Variants in RNF217 observed in about 807,000 individuals in gnomAD.
RNF217 encodes ring finger protein 217.
Under a neutral mutation model 57.8 loss-of-function variants are expected in RNF217, and 31 were observed. That is an observed-to-expected ratio of 0.54 (90% CI 0.40 to 0.72). RNF217 has a LOEUF of 0.72. Among genes scored for constraint, RNF217 ranks in the 30% least tolerant of loss-of-function variants. The pLI, the probability that RNF217 is intolerant of heterozygous loss-of-function variation, is 0.00. For missense variants in RNF217, 696 were observed against 708.3 expected, an observed-to-expected ratio of 0.98 and a Z score of 0.20; for synonymous variants, 313 against 294.0, an observed-to-expected ratio of 1.06 and a Z score of -0.66.
At chr6:125,038,591 A>C (rs1216545719) in intron 1 of RNF217, among the ~76,000 whole-genome samples, 1 of 152,134 alleles carries the variant, frequency 6.6e-6, no homozygotes, top group East Asian at 1.9e-4. Context: ...CTTCACATAT[A>C]CTTTAATTAT....
At position 124,963,366 on chromosome 6, in the gene RNF217, C is replaced by T; in HGVS notation, c.822C>T (p.Pro274=). 1 of 1,523,928 alleles carries T rather than the reference C, an allele frequency of 6.6e-7. No homozygotes were observed. The highest frequency in any genetic ancestry group is 2.0e-5 in the Admixed American group (1 of 48,986). 94.4% of individuals were successfully genotyped at this position (1,523,928 alleles called of 1,614,324 possible). ...RVCLEDKPIK[P]LPCCKKAVCE... ...GCCTGGAAGACAAGCCCATCAAGCC[C>T]CTGCCTTGCTGCAAGAAGGCCGTGT... The change falls in exon 1 of 6, where the codon CCC becomes CCT. Residue 274 remains proline, a synonymous_variant. Transcript: ENST00000521654.
chr6:125,028,705 T>C (rs929212169), intron 1 of RNF217, among the ~76,000 whole-genome samples: 1 of 152,104 alleles, frequency 6.6e-6, no homozygotes, highest in African/African-American at 2.4e-5. Flanking sequence ...ATTATTCTCT[T>C]TTTACACTTG....
At chr6:125,069,435 TTTAC>T (rs1209915639) in intron 3 of RNF217, among the ~76,000 whole-genome samples, 1 of 152,146 alleles carries the variant, frequency 6.6e-6, no homozygotes, top group Non-Finnish European at 1.5e-5. Flanking sequence ...GAGGATTCAT[TTTAC>T]TTACTTGAAT....
At chr6:125,043,717 G>GT (rs1232988928) in intron 1 of RNF217, among the ~76,000 whole-genome samples, 3 of 152,050 alleles carry the variant, frequency 2.0e-5, no homozygotes, top group Admixed American at 6.6e-5. Context: ...TAATAGCATC[G>GT]TAACACTGTA....
chr6:125,081,849 T>C (rs1488153908), intron 5 of RNF217, among the ~76,000 whole-genome samples: 3 of 152,188 alleles, frequency 2.0e-5, no homozygotes, highest in East Asian at 3.9e-4. Flanking sequence ...GGTTGAAGCA[T>C]CAAGGAAAAG....
rs143231754 is a variant in RNF217 at position 124,969,766 on chromosome 6, T to C, written c.882+6340T>C. On this transcript the variant is annotated intron_variant, in intron 1 of 5. Coordinates refer to ENST00000521654, the MANE Select transcript of RNF217 (RefSeq NM_001286398.3). ...CTGTGGAAATGGAAAATGAGATAAG[T>C]AAATTATTTAGCTTATTAGAAGATA... Among the ~76,000 whole-genome samples, 331 of 152,188 alleles carry C rather than the reference T, an allele frequency of 2.2e-3. 2 individuals carry two copies. Among genetic ancestry groups the C allele is most frequent in the African/African-American group, 7.3e-3 (303 of 41,516 alleles).
intron 1 of RNF217, among the ~76,000 whole-genome samples, chr6:125,025,543 AAAGGAAGG>A (rs1324137403): frequency 6.9e-6 from 1 of 145,974 alleles, no homozygotes; most frequent in Admixed American, 6.8e-5. Context: ...GGATATTTCC[AAAGGAAGG>A]AAGGAAGGAA....
rs536464774 is a variant in RNF217 at position 124,984,785 on chromosome 6, T to G, written c.882+21359T>G. 3.3e-5 allele frequency among the ~76,000 whole-genome samples: 5 copies of G among 152,150 alleles called. No individual in the cohort carries two copies. In the South Asian group the frequency reaches 1.0e-3, roughly 32 times the overall value. Reference sequence around the variant, plus strand: ...GTATGGAAAAATATTTCTTAGAACCTGAGAAATACAACTCTGAAAGGAAAT... The same window carrying G: ...GTATGGAAAAATATTTCTTAGAACCGGAGAAATACAACTCTGAAAGGAAAT... On this transcript the variant is annotated intron_variant, in intron 1 of 5. Transcript: ENST00000521654.
chr6:125,013,227 A>G (rs547792077), intron 1 of RNF217, among the ~76,000 whole-genome samples: 1 of 152,212 alleles, frequency 6.6e-6, no homozygotes, highest in Non-Finnish European at 1.5e-5. Context: ...GAAACAGGTA[A>G]TAAACAAATA....
At position 124,966,984 on chromosome 6, in the gene RNF217, A is replaced by G. The variant is rs182435602; in HGVS notation, c.882+3558A>G. 1.2e-4 allele frequency among the ~76,000 whole-genome samples: 19 copies of G among 152,352 alleles called. No individual in the cohort carries two copies. The East Asian group carries it at 2.5e-3, about 20-fold the overall frequency. On this transcript the variant is annotated intron_variant, in intron 1 of 5. Transcript: ENST00000521654. ...CAGCCCATCTTAGTGGAATAACTTT[A>G]CAGTGCAGTAGCTGCCATCCAGTTT...
At chr6:125,044,212 GA>G (rs1787001410) in intron 1 of RNF217, among the ~76,000 whole-genome samples, 5 of 152,086 alleles carry the variant, frequency 3.3e-5, no homozygotes, top group African/African-American at 1.2e-4. Context: ...AAATAAAAAA[GA>G]AAGGGTTTGG....
rs1788688176 is a variant in RNF217 at position 125,083,803 on chromosome 6, G to A, written c.*866G>A. The A allele has an allele frequency of 6.6e-6, 1 of 152,050 alleles. No homozygotes were observed. Among genetic ancestry groups the A allele is most frequent in the African/African-American group, 2.4e-5 (1 of 41,422 alleles). 9.4% of individuals were successfully genotyped at this position (152,050 alleles called of 1,614,324 possible). A position where few individuals can be genotyped will look rare whatever the true frequency, so the allele number is the denominator to read the frequency against. On this transcript the variant is annotated 3_prime_UTR_variant, in exon 6 of 6. Coordinates refer to ENST00000521654, the MANE Select transcript of RNF217 (RefSeq NM_001286398.3). ...AGAAATTTGTGCAACGTCACCCCAAGGAGTATTAAGCTTTGTAAACTGACA... is the reference window on the plus strand; with the variant it reads ...AGAAATTTGTGCAACGTCACCCCAAAGAGTATTAAGCTTTGTAAACTGACA...
At chr6:125,076,340 T>G (rs1214147368) in intron 3 of RNF217, among the ~76,000 whole-genome samples, 1 of 152,184 alleles carries the variant, frequency 6.6e-6, no homozygotes, top group African/African-American at 2.4e-5. Context: ...CATTTTAAAT[T>G]GCCTCCTAAC....
intron 2 of RNF217, among the ~76,000 whole-genome samples, chr6:125,053,773 T>C (rs1398658987): frequency 6.6e-6 from 1 of 152,076 alleles, no homozygotes; most frequent in East Asian, 1.9e-4. Context: ...TAATGTAAGG[T>C]TCTTTTATCT....
At chr6:125,023,847 C>G (rs796914271) in intron 1 of RNF217, among the ~76,000 whole-genome samples, 69 of 152,164 alleles carry the variant, frequency 4.5e-4, no homozygotes, top group African/African-American at 1.5e-3. Flanking sequence ...CACATGGTCC[C>G]CCTTTATATA....
intron 1 of RNF217, among the ~76,000 whole-genome samples, chr6:124,972,628 G>A (rs941605991): frequency 3.3e-5 from 5 of 152,124 alleles, no homozygotes; most frequent in East Asian, 3.9e-4. Flanking sequence ...TGAATGCTCC[G>A]TGACTCTGAA....
Position 125,086,634 on chromosome 6 carries a change from T to C in RNF217, c.*3697T>C, listed in dbSNP as rs1006604368. 6.6e-6 allele frequency: 1 copy of C among 152,082 alleles called. No homozygotes were observed. Among genetic ancestry groups the C allele is most frequent in the Non-Finnish European group, 1.5e-5 (1 of 67,980 alleles). The allele number at this position is 152,082 out of a possible 1,614,324, so 9.4% of individuals were successfully genotyped here. On this transcript the variant is annotated 3_prime_UTR_variant, in exon 6 of 6. Transcript: ENST00000521654. Reference sequence around the variant, plus strand: ...TAATTATAAATCGTGGAATAATTTATATATGTGGAGTAAGAAGAGAGGGGT... The same window carrying C: ...TAATTATAAATCGTGGAATAATTTACATATGTGGAGTAAGAAGAGAGGGGT...
At chr6:125,070,063 C>A (rs147853324) in intron 3 of RNF217, among the ~76,000 whole-genome samples, 1 of 152,118 alleles carries the variant, frequency 6.6e-6, no homozygotes, top group South Asian at 2.1e-4. Context: ...ACCTTTGCAT[C>A]CCCATAGCTT....
chr6:125,051,812 C>T (rs1787328159), intron 2 of RNF217, among the ~76,000 whole-genome samples: 1 of 152,026 alleles, frequency 6.6e-6, no homozygotes, highest in South Asian at 2.1e-4. Flanking sequence ...AACAGGACAT[C>T]TTGTTCAAAA....
Sources: gnomAD v4.1 joint callset for allele counts (sites outside exome capture counted in the v4.1 genomes callset) on GRCh38, gnomAD v4.1.1 for gene constraint, MANE v1.5 for transcripts, NCBI Gene and HGNC (gene_info 2026-07-23, HGNC 2026-07-21) for gene names.